Variants in DMRT1 observed in about 807,000 individuals in gnomAD.
The protein encoded by DMRT1 is doublesex and mab-3 related transcription factor 1, also known as doublesex- and mab-3-related transcription factor 1.
Under a neutral mutation model 32.3 loss-of-function variants are expected in DMRT1, and 7 were observed. That is an observed-to-expected ratio of 0.22 (90% confidence interval 0.12 to 0.41). The LOEUF (loss-of-function observed/expected upper bound fraction) is 0.41, where lower values mean the gene tolerates loss of function less well. Ranked by LOEUF, DMRT1 falls within the 10% of genes least tolerant of loss-of-function variation. The pLI, the probability that DMRT1 is intolerant of heterozygous loss-of-function variation, is 1.00. For synonymous variants in DMRT1, 278 were observed against 206.1 expected (o/e 1.35, Z -2.99); for missense variants, 625 against 500.5 (o/e 1.25, Z -2.37).
chr9:901,212 A>G (rs1033778077), intron 3 of DMRT1, among the ~76,000 whole-genome samples: 5 of 151,940 alleles, frequency 3.3e-5, no homozygotes, highest in African/African-American at 1.2e-4. Context: ...ATGGGGTTTC[A>G]CCATGTTGCC....
intron 3 of DMRT1, among the ~76,000 whole-genome samples, chr9:899,814 C>G (rs577127559): frequency 6.6e-6 from 1 of 152,242 alleles, no homozygotes; most frequent in Non-Finnish European, 1.5e-5. Flanking sequence ...AGCTATGCCT[C>G]GGATCTCCTT....
intron 4 of DMRT1, among the ~76,000 whole-genome samples, chr9:923,211 G>T (rs1335736989): frequency 6.6e-6 from 1 of 152,218 alleles, no homozygotes. Flanking sequence ...GTTTGCAGGT[G>T]AGAAAACTGA....
intron 4 of DMRT1, among the ~76,000 whole-genome samples, chr9:919,661 G>T (rs1400749271): frequency 6.6e-6 from 1 of 152,146 alleles, no homozygotes; most frequent in Non-Finnish European, 1.5e-5. Flanking sequence ...AGGGTGATTT[G>T]TCTGTCTTGT....
intron 3 of DMRT1, among the ~76,000 whole-genome samples, chr9:897,155 C>T (rs1817402265): frequency 6.6e-6 from 1 of 151,126 alleles, no homozygotes; most frequent in African/African-American, 2.4e-5. Context: ...CTCTGTCGCC[C>T]AGGCTGGGGT....
At chr9:867,690 C>G (rs540503042) in intron 2 of DMRT1, among the ~76,000 whole-genome samples, 1 of 152,290 alleles carries the variant, frequency 6.6e-6, no homozygotes, top group African/African-American at 2.4e-5. Flanking sequence ...TGCTCATGCC[C>G]TACATCGGGC....
In DMRT1 at chr9:893,945, T is replaced by A; in HGVS notation, c.572T>A (p.Val191Asp). 1 of 1,614,052 alleles carries A rather than the reference T, an allele frequency of 6.2e-7. No individual in the cohort carries two copies. The highest frequency in any genetic ancestry group is 8.5e-7 in the Non-Finnish European group (1 of 1,179,880). Residue 191 changes from valine (V) to aspartate (D), a missense_variant, in exon 3 of 5, where the codon GTC (valine) becomes GAC (aspartate). Physicochemically the swap from Val to Asp is radical, Grantham distance 152. This residue lies in a region of DMRT1 where 416 missense variants were observed against 321.6 expected (regional missense o/e 1.29). Transcript: ENST00000382276. ...GRMVIQDIPA[V>D]TSRGHVENTP... is the part of the protein sequence containing the mutation. ...ATGGTCATCCAGGATATTCCTGCTGTCACCAGCAGAGGGCATGTGGAGAAC... is the reference window on the plus strand; with the variant it reads ...ATGGTCATCCAGGATATTCCTGCTGACACCAGCAGAGGGCATGTGGAGAAC...
At chr9:888,291 A>G (rs1404396034) in intron 2 of DMRT1, among the ~76,000 whole-genome samples, 1 of 142,296 alleles carries the variant, frequency 7.0e-6, no homozygotes, top group Non-Finnish European at 1.5e-5. Flanking sequence ...GCTTTTCAAT[A>G]CAATGGAATT....
At chr9:905,515 G>GTGTGTGTGTGTGA (rs1564240662) in intron 3 of DMRT1, among the ~76,000 whole-genome samples, 7 of 55,298 alleles carry the variant, frequency 1.3e-4, no homozygotes, top group African/African-American at 4.8e-4. Flanking sequence ...TGTGTGTGTG[G>GTGTGTGTGTGTGA]CACTGCAGGA....
At chr9:880,898 T>C (rs1386868529) in intron 2 of DMRT1, among the ~76,000 whole-genome samples, 1 of 152,172 alleles carries the variant, frequency 6.6e-6, no homozygotes, top group Non-Finnish European at 1.5e-5. Flanking sequence ...TTCTGACCTC[T>C]TGGGCCCTCA....
rs59120084 is a variant in DMRT1 at position 927,734 on chromosome 9, T to G, written c.967+10827T>G. ...GAATGGTGACCAGATTTTATGTGCC[T>G]TCCAAATTGTTGTCCGTTGAAATTG... is the stretch of plus-strand genomic sequence containing the variant. On this transcript the variant is annotated intron_variant, in intron 4 of 4. Coordinates refer to ENST00000382276, the MANE Select transcript of DMRT1 (RefSeq NM_021951.3). Among the ~76,000 whole-genome samples the G allele has an allele frequency of 8.5e-3, 1,297 of 152,360 alleles. 15 individuals carry two copies. The highest frequency in any genetic ancestry group is 0.03 in the African/African-American group (1,251 of 41,586).
chr9:892,737 T>G (rs1586577217), intron 2 of DMRT1, among the ~76,000 whole-genome samples: 1 of 152,104 alleles, frequency 6.6e-6, no homozygotes, highest in Admixed American at 6.5e-5. Flanking sequence ...TGGTTCCCAT[T>G]ACATCCCAGA....
Position 968,027 on chromosome 9 carries a change from T to A in DMRT1, c.1010T>A (p.Leu337His). Residue 337 changes from leucine to histidine, a missense_variant, in exon 5 of 5, where the codon CTC (leucine) becomes CAC (histidine). Transcript: ENST00000382276. Reference sequence around the variant, plus strand: ...AGTCAAGATTCTGGCTTGGTTTCCCTCTCGAGCAGCTCTCCTATTAGTAAC... The same window carrying A: ...AGTCAAGATTCTGGCTTGGTTTCCCACTCGAGCAGCTCTCCTATTAGTAAC... ...PSSQDSGLVS[L>H]SSSSPISNKS... The A allele has an allele frequency of 6.2e-7, 1 of 1,614,152 alleles. No individual in the cohort carries two copies. Among genetic ancestry groups the A allele is most frequent in the African/African-American group, 1.3e-5 (1 of 75,016 alleles).
At chr9:921,040 A>G (rs1055250954) in intron 4 of DMRT1, among the ~76,000 whole-genome samples, 12 of 152,190 alleles carry the variant, frequency 7.9e-5, no homozygotes, top group South Asian at 2.1e-4. Flanking sequence ...CCTAACATTA[A>G]CTATTAACCA....
chr9:962,713 T>C (rs1454194772), intron 4 of DMRT1, among the ~76,000 whole-genome samples: 1 of 152,108 alleles, frequency 6.6e-6, no homozygotes, highest in Non-Finnish European at 1.5e-5. Context: ...GCGCCCCTTC[T>C]TTCTCTTCCC....
intron 4 of DMRT1, among the ~76,000 whole-genome samples, chr9:923,155 T>C (rs1414794719): frequency 2.6e-5 from 4 of 152,176 alleles, no homozygotes; most frequent in African/African-American, 7.2e-5. Context: ...ATGCTGCATG[T>C]CAGACTTGGA....
chr9:960,566 A>G (rs1819739303), intron 4 of DMRT1, among the ~76,000 whole-genome samples: 1 of 152,144 alleles, frequency 6.6e-6, no homozygotes, highest in Non-Finnish European at 1.5e-5. Flanking sequence ...CTTCCTTTAC[A>G]ATTGAGGAAA....
chr9:962,071 C>T, intron 4 of DMRT1, among the ~76,000 whole-genome samples: 1 of 152,226 alleles, frequency 6.6e-6, no homozygotes, highest in East Asian at 1.9e-4. Flanking sequence ...ATTAAAAGCC[C>T]CACGATGATT....
chr9:942,114 T>G (rs1158805988), intron 4 of DMRT1, among the ~76,000 whole-genome samples: 1 of 152,208 alleles, frequency 6.6e-6, no homozygotes, highest in East Asian at 1.9e-4. Flanking sequence ...TCTTGGTATT[T>G]GAATAAAATT....
intron 4 of DMRT1, among the ~76,000 whole-genome samples, chr9:943,106 G>A (rs1237996040): frequency 6.6e-6 from 1 of 152,050 alleles, no homozygotes; most frequent in Non-Finnish European, 1.5e-5. Flanking sequence ...TAGCATATCA[G>A]GTTGTTATTC....
Sources: gnomAD v4.1 joint callset for allele counts (sites outside exome capture counted in the v4.1 genomes callset) on GRCh38, gnomAD v4.1.1 for gene constraint, gnomAD v4.1.1 regional missense constraint, MANE v1.5 for transcripts, NCBI Gene and HGNC (gene_info 2026-07-23, HGNC 2026-07-21) for gene names.